Variants in ZNF322 observed in about 807,000 individuals in gnomAD.
ZNF322 encodes the protein HLA complex group 12.
In ZNF322, 1 loss-of-function variant was observed where a neutral mutation model predicts 18.3. The ratio of observed to expected loss-of-function variants is 0.05; its 90% CI spans 0.02 to 0.26. The LOEUF (loss-of-function observed/expected upper bound fraction) is 0.26, where lower values mean the gene tolerates loss of function less well. ZNF322 is among the 10% of genes least tolerant of loss of function. The pLI, the probability that ZNF322 is intolerant of heterozygous loss-of-function variation, is 1.00. For synonymous variants in ZNF322, 17 were observed against 130.7 expected (o/e 0.13, Z 5.93); for missense variants, 36 against 403.6 (o/e 0.09, Z 7.80).
At chr6:26,654,091 G>A (rs140045615) in intron 2 of ZNF322, among the ~76,000 whole-genome samples, 5 of 152,150 alleles carry the variant, frequency 3.3e-5, no homozygotes, top group Non-Finnish European at 2.9e-5. Context: ...TCCTAGGACC[G>A]AATAAATAAG....
intron 3 of ZNF322, among the ~76,000 whole-genome samples, chr6:26,643,003 C>G (rs1765492058): frequency 6.6e-6 from 1 of 152,216 alleles, no homozygotes; most frequent in Admixed American, 6.5e-5. Flanking sequence ...CCAAACCACT[C>G]TTATTTCTTA....
At chr6:26,643,224 T>G (rs1226729472) in intron 3 of ZNF322, among the ~76,000 whole-genome samples, 2 of 152,242 alleles carry the variant, frequency 1.3e-5, no homozygotes, top group Non-Finnish European at 2.9e-5. Context: ...GTGTATGAAT[T>G]TCTCTTAATT....
At chr6:26,651,966 G>A (rs1561925695) in intron 2 of ZNF322, among the ~76,000 whole-genome samples, 1 of 152,046 alleles carries the variant, frequency 6.6e-6, no homozygotes, top group Non-Finnish European at 1.5e-5. Flanking sequence ...TGAGTAGCTG[G>A]GACCACAGGC....
intron 2 of ZNF322, among the ~76,000 whole-genome samples, chr6:26,655,717 C>G (rs530773105): frequency 1.3e-5 from 2 of 152,316 alleles, no homozygotes; most frequent in African/African-American, 4.8e-5. Context: ...GTAACAGGGG[C>G]ACCACCCTCA....
chr6:26,639,753 G>A (rs185507957), intron 3 of ZNF322, among the ~76,000 whole-genome samples: 35 of 152,020 alleles, frequency 2.3e-4, no homozygotes, highest in African/African-American at 7.0e-4. Context: ...CAGACCCCTC[G>A]TCTGTCACCT....
intron 2 of ZNF322, among the ~76,000 whole-genome samples, chr6:26,657,656 T>C (rs1359874035): frequency 6.6e-6 from 1 of 152,180 alleles, no homozygotes; most frequent in Non-Finnish European, 1.5e-5. Context: ...AGTCTTTTGC[T>C]TACTGTAATA....
chr6:26,653,017 C>A (rs1050693714), intron 2 of ZNF322, among the ~76,000 whole-genome samples: 4 of 152,146 alleles, frequency 2.6e-5, no homozygotes, highest in Admixed American at 1.3e-4. Context: ...ACATGAAATA[C>A]CAGTTCTCAC....
chr6:26,639,375 T>C (rs1327888912), intron 3 of ZNF322, among the ~76,000 whole-genome samples: 5 of 152,210 alleles, frequency 3.3e-5, no homozygotes, highest in Admixed American at 6.5e-5. Context: ...GATATGATTA[T>C]ATAAGCACAT....
chr6:26,655,226 G>C (rs1275573937), intron 2 of ZNF322, among the ~76,000 whole-genome samples: 2 of 151,940 alleles, frequency 1.3e-5, no homozygotes, highest in Non-Finnish European at 2.9e-5. Flanking sequence ...TTTTCTTTTT[G>C]TCTTAAACAA....
In ZNF322 at chr6:26,649,687, A is replaced by G. The variant is rs1480072395; in HGVS notation, c.-245-5959T>C. Among the ~76,000 whole-genome samples, 294 of 76,900 alleles carry G rather than the reference A, an allele frequency of 3.8e-3. 6 individuals carry two copies. Among genetic ancestry groups the G allele is most frequent in the South Asian group, 6.4e-3 (14 of 2,178 alleles). 50.4% of individuals were successfully genotyped at this position (76,900 alleles called of 152,430 possible). Reference sequence around the variant, plus strand: ...TGTGTGTGTGTGTGTATATATATATATATATATATATATATTTTTTTTTTT... The same window carrying G: ...TGTGTGTGTGTGTGTATATATATATGTATATATATATATATTTTTTTTTTT... On this transcript the variant is annotated intron_variant, in intron 2 of 3. Coordinates refer to ENST00000415922, the MANE Select transcript of ZNF322 (RefSeq NM_024639.5).
chr6:26,642,114 ACT>A (rs1554148367), intron 3 of ZNF322, among the ~76,000 whole-genome samples: 1 of 152,190 alleles, frequency 6.6e-6, no homozygotes, highest in Non-Finnish European at 1.5e-5. Flanking sequence ...TCTTCACTGC[ACT>A]GAGATGTTTG....
rs575381813 is a variant in ZNF322, at chr6:26,651,824, C to T, written c.-246+6734G>A. 1.3e-4 allele frequency among the ~76,000 whole-genome samples: 20 copies of T among 152,138 alleles called. No individual in the cohort carries two copies. In the South Asian group the frequency reaches 4.1e-3, roughly 32 times the overall value. The stretch of plus-strand genomic sequence containing the variant: ...ACATAGGAGAAAATCTAGATAAACT[C>T]GGGTATAGCAATGACTTTATATTTT... On this transcript the variant is annotated intron_variant, in intron 2 of 3. Transcript: ENST00000415922.
chr6:26,642,321 T>C lies in ZNF322; in HGVS notation c.-176+1338A>G, dbSNP rs544339609. Among the ~76,000 whole-genome samples the C allele has an allele frequency of 3.9e-5, 6 of 152,346 alleles. No homozygotes were observed. The South Asian group carries it at 1.2e-3, about 32-fold the overall frequency. The stretch of plus-strand genomic sequence containing the variant: ...TCAATAAATACTGAGGGAACTCAGA[T>C]ACCAGTGCTGGTGCAGGTCCTCACT... On this transcript the variant is annotated intron_variant, in intron 3 of 3. Transcript: ENST00000415922.
chr6:26,656,733 A>G (rs1204260512), intron 2 of ZNF322, among the ~76,000 whole-genome samples: 1 of 152,156 alleles, frequency 6.6e-6, no homozygotes, highest in African/African-American at 2.4e-5. Flanking sequence ...TAGAGTGAAA[A>G]TAAAGGATTC....
intron 2 of ZNF322, among the ~76,000 whole-genome samples, chr6:26,644,740 A>G (rs1246025593): frequency 2.6e-5 from 4 of 152,186 alleles, no homozygotes; most frequent in African/African-American, 4.8e-5. Context: ...GTAAAACGTA[A>G]TTGTCAACTG....
At chr6:26,656,978 G>A (rs1765789454) in intron 2 of ZNF322, among the ~76,000 whole-genome samples, 1 of 152,200 alleles carries the variant, frequency 6.6e-6, no homozygotes, top group South Asian at 2.1e-4. Flanking sequence ...GCCGGGCGTG[G>A]TGGCTCATGC....
intron 2 of ZNF322, among the ~76,000 whole-genome samples, chr6:26,646,767 T>C (rs868919003): frequency 9.7e-4 from 148 of 152,188 alleles, no homozygotes; most frequent in African/African-American, 3.5e-3. Flanking sequence ...TATTATGTAA[T>C]AAAGGAAGCA....
chr6:26,641,343 T>C (rs1381011770), intron 3 of ZNF322, among the ~76,000 whole-genome samples: 1 of 151,962 alleles, frequency 6.6e-6, no homozygotes, highest in African/African-American at 2.4e-5. Flanking sequence ...CCACAAGAAA[T>C]GTAGTATTGT....
At chr6:26,652,159 AC>A (rs1253504418) in intron 2 of ZNF322, among the ~76,000 whole-genome samples, 2 of 152,258 alleles carry the variant, frequency 1.3e-5, no homozygotes, top group Non-Finnish European at 2.9e-5. Flanking sequence ...AGATACAACA[AC>A]AAAGGTATGA....
Sources: allele counts gnomAD v4.1 joint callset (sites outside exome capture counted in the v4.1 genomes callset), GRCh38; gene constraint gnomAD v4.1.1; transcripts MANE v1.5; gene names NCBI Gene and HGNC (gene_info 2026-07-23, HGNC 2026-07-21).